The following SHROOM3 variants were observed in gnomAD, a reference collection of about 807,000 sequenced individuals.
SHROOM3 encodes the protein shroom family member 3, also known as protein Shroom3.
A neutral mutation model predicts 138.6 loss-of-function variants in SHROOM3; 47 were observed. The ratio of observed to expected loss-of-function variants is 0.34; its 90% CI spans 0.27 to 0.43. SHROOM3 has a LOEUF of 0.43. Ranked by LOEUF, SHROOM3 falls within the 20% of genes least tolerant of loss-of-function variation. SHROOM3 has a pLI of 1.00. For missense variants in SHROOM3, 2,491 were observed against 2,596.5 expected (o/e 0.96, Z 0.88); for synonymous variants, 1,062 against 1,063.3 (o/e 1.00, Z 0.02).
At chr4:76,535,768 T>G (rs1579219916) in intron 1 of SHROOM3, among the ~76,000 whole-genome samples, 1 of 152,176 alleles carries the variant, frequency 6.6e-6, no homozygotes, top group East Asian at 1.9e-4. Flanking sequence ...CCACAACCAT[T>G]TTATTGGAAT....
intron 4 of SHROOM3, among the ~76,000 whole-genome samples, chr4:76,735,649 G>A (rs1481849521): frequency 1.3e-5 from 2 of 151,180 alleles, no homozygotes; most frequent in Non-Finnish European, 2.9e-5. Context: ...AGACGTGCCT[G>A]GCCAACATGG....
At chr4:76,546,147 A>T (rs1337642469) in intron 1 of SHROOM3, among the ~76,000 whole-genome samples, 1 of 152,232 alleles carries the variant, frequency 6.6e-6, no homozygotes, top group East Asian at 1.9e-4. Context: ...ATAGTAATGC[A>T]GAGCAAACAA....
At chr4:76,695,022 T>C (rs28377769) in intron 2 of SHROOM3, among the ~76,000 whole-genome samples, 24,256 of 152,172 alleles carry the variant, frequency 0.16, 2,304 homozygotes, top group East Asian at 0.35. Flanking sequence ...CCCTTTTAGA[T>C]ATGATTGTTT....
chr4:76,625,253 C>T (rs1191572352), intron 2 of SHROOM3, among the ~76,000 whole-genome samples: 1 of 152,174 alleles, frequency 6.6e-6, no homozygotes, highest in Non-Finnish European at 1.5e-5. Context: ...TTTAAAATAT[C>T]CTGGTGAGAA....
chr4:76,765,410 T>C (rs1207514199), intron 9 of SHROOM3, among the ~76,000 whole-genome samples: 4 of 151,738 alleles, frequency 2.6e-5, no homozygotes, highest in Non-Finnish European at 5.9e-5. Context: ...CCCAGCTACC[T>C]GGGACGCTGA....
At position 76,781,184 on chromosome 4, in the gene SHROOM3, G is replaced by A. The variant is rs1024601267; in HGVS notation, c.*2007G>A. Reference sequence around the variant, plus strand: ...TATGTTGCCCAGGCTGGAGTGCAGAGTGGTGCGATAACAGCTCATTGCAGT... The same window carrying A: ...TATGTTGCCCAGGCTGGAGTGCAGAATGGTGCGATAACAGCTCATTGCAGT... On this transcript the variant is annotated 3_prime_UTR_variant, in exon 11 of 11. Transcript: ENST00000296043. The A allele has an allele frequency of 6.6e-6, 1 of 151,692 alleles. No homozygotes were observed. The highest frequency in any genetic ancestry group is 6.6e-5 in the Admixed American group (1 of 15,198). The allele number at this position is 151,692 out of a possible 1,614,324, so 9.4% of individuals were successfully genotyped here.
At chr4:76,658,094 C>T (rs149622384) in intron 2 of SHROOM3, among the ~76,000 whole-genome samples, 1 of 152,324 alleles carries the variant, frequency 6.6e-6, no homozygotes, top group African/African-American at 2.4e-5. Flanking sequence ...CTCTTCCATG[C>T]ATTTTATAAT....
rs1560563091 is a variant in SHROOM3, at chr4:76,608,550, CATA to C, written c.323+52788_323+52790del. 2.9e-4 allele frequency among the ~76,000 whole-genome samples: 21 copies of C among 72,894 alleles called. 1 individual carries two copies. In the South Asian group the frequency reaches 6.8e-3, roughly 23 times the overall value. The allele number at this position is 72,894 out of a possible 152,430, so 47.8% of individuals were successfully genotyped here. A position where few individuals can be genotyped will look rare whatever the true frequency, so the allele number is the denominator to read the frequency against. ...GATGGCATAGCATAGCATAGCATAG[CATA>C]GCATAGCATAGCATAGCATAGCATA... is the stretch of plus-strand genomic sequence containing the variant. On this transcript the variant is annotated intron_variant, in intron 2 of 10. Transcript: ENST00000296043.
At chr4:76,757,090 T>G in intron 8 of SHROOM3, 153 bp downstream of exon 8, 15 of 1,208,074 alleles carry the variant, frequency 1.2e-5, no homozygotes, top group East Asian at 2.5e-5. Context: ...GGAATGGCTC[T>G]GGCAGTGAGG....
At chr4:76,560,048 A>G (rs952877232) in intron 2 of SHROOM3, among the ~76,000 whole-genome samples, 1 of 152,240 alleles carries the variant, frequency 6.6e-6, no homozygotes, top group Non-Finnish European at 1.5e-5. Flanking sequence ...AACAGCTCCC[A>G]GTTGCAGAAA....
intron 5 of SHROOM3, among the ~76,000 whole-genome samples, chr4:76,745,499 C>T (rs1721405682): frequency 6.6e-6 from 1 of 152,152 alleles, no homozygotes; most frequent in Non-Finnish European, 1.5e-5. Context: ...TGCATGGAAC[C>T]ACAGTATTGG....
intron 1 of SHROOM3, among the ~76,000 whole-genome samples, chr4:76,473,210 A>G (rs1014507297): frequency 6.6e-6 from 1 of 152,248 alleles, no homozygotes; most frequent in Non-Finnish European, 1.5e-5. Context: ...AAAGGATACT[A>G]TTGAGAAAGT....
intron 2 of SHROOM3, among the ~76,000 whole-genome samples, chr4:76,595,941 T>C (rs1178906149): frequency 6.6e-6 from 1 of 152,244 alleles, no homozygotes; most frequent in African/African-American, 2.4e-5. Flanking sequence ...CAGTTGTTAA[T>C]CTGGGATAAG....
chr4:76,528,475 T>C lies in SHROOM3; in HGVS notation c.169-27134T>C, dbSNP rs111497251. ...CTTGGGACTATAGGCTTGCTCATGC[T>C]CAGCAAAAGCCAGTCTTTCTTCAGT... On this transcript the variant is annotated intron_variant, in intron 1 of 10. Coordinates refer to ENST00000296043, the MANE Select transcript of SHROOM3 (RefSeq NM_020859.4). 4.0e-3 allele frequency among the ~76,000 whole-genome samples: 608 copies of C among 151,050 alleles called. 7 individuals are homozygous for C. Among genetic ancestry groups the C allele is most frequent in the African/African-American group, 0.014 (579 of 41,242 alleles).
intron 1 of SHROOM3, among the ~76,000 whole-genome samples, chr4:76,500,092 C>T (rs1333463152): frequency 1.3e-5 from 2 of 152,190 alleles, no homozygotes; most frequent in Non-Finnish European, 2.9e-5. Context: ...TTCAGGTCAT[C>T]TGACTTCAGA....
At chr4:76,652,477 A>G (rs1445709187) in intron 2 of SHROOM3, among the ~76,000 whole-genome samples, 3 of 152,258 alleles carry the variant, frequency 2.0e-5, no homozygotes, top group African/African-American at 7.2e-5. Flanking sequence ...ATATGCATGT[A>G]TGAAAAGAAT....
intron 1 of SHROOM3, among the ~76,000 whole-genome samples, chr4:76,505,341 A>G (rs1732187299): frequency 6.6e-6 from 1 of 152,214 alleles, no homozygotes; most frequent in Non-Finnish European, 1.5e-5. Context: ...ATTTTGTTTG[A>G]AACCATGAAT....
chr4:76,588,428 C>T (rs1396451035), intron 2 of SHROOM3, among the ~76,000 whole-genome samples: 2 of 152,062 alleles, frequency 1.3e-5, no homozygotes, highest in Non-Finnish European at 2.9e-5. Context: ...GGTGAGGGTC[C>T]CTACTGGTGC....
At chr4:76,521,648 A>T (rs912331653) in intron 1 of SHROOM3, among the ~76,000 whole-genome samples, 2 of 152,224 alleles carry the variant, frequency 1.3e-5, no homozygotes, top group Non-Finnish European at 2.9e-5. Context: ...ATTGTGCCCC[A>T]GTGATGCCCA....
Sources: gnomAD v4.1 joint callset for allele counts (sites outside exome capture counted in the v4.1 genomes callset) on GRCh38, gnomAD v4.1.1 for gene constraint, MANE v1.5 for transcripts, NCBI Gene and HGNC (gene_info 2026-07-23, HGNC 2026-07-21) for gene names.